NEDD4: variants seen among roughly 807,000 people sequenced by gnomAD.
The protein encoded by NEDD4 is NEDD4 E3 ubiquitin protein ligase, also known as E3 ubiquitin-protein ligase NEDD4.
Under a neutral mutation model 144.9 loss-of-function variants are expected in NEDD4, and 99 were observed. The ratio of observed to expected loss-of-function variants is 0.68; its 90% CI spans 0.58 to 0.81. The LOEUF is 0.81. NEDD4 is among the 30% of genes least tolerant of loss of function. The probability of loss-of-function intolerance (pLI) is 0.00; values close to 1 mark genes in which losing one functional copy is unlikely to be tolerated. For synonymous variants in NEDD4, 318 were observed against 350.6 expected, an observed-to-expected ratio of 0.91 and a Z score of 1.04; for missense variants, 985 against 1,065.9, an observed-to-expected ratio of 0.92 and a Z score of 1.06.
chr15:55,975,976 T>C (rs1330083571), intron 1 of NEDD4, among the ~76,000 whole-genome samples: 1 of 152,188 alleles, frequency 6.6e-6, no homozygotes, highest in Non-Finnish European at 1.5e-5. Context: ...AGTAAATCTA[T>C]ACATCTATAG....
At chr15:55,984,689 T>A (rs1386938254) in intron 1 of NEDD4, among the ~76,000 whole-genome samples, 1 of 152,230 alleles carries the variant, frequency 6.6e-6, no homozygotes, top group Admixed American at 6.5e-5. Flanking sequence ...CAGAAAAGCC[T>A]TATCAAAATG....
At chr15:55,933,116 G>A (rs1246017698) in intron 4 of NEDD4, among the ~76,000 whole-genome samples, 2 of 152,184 alleles carry the variant, frequency 1.3e-5, no homozygotes, top group Admixed American at 1.3e-4. Context: ...GTGGAAGACA[G>A]TGTGGCGATT....
At chr15:55,881,985 C>T (rs190730721) in intron 5 of NEDD4, among the ~76,000 whole-genome samples, 205 of 152,272 alleles carry the variant, frequency 1.3e-3, no homozygotes, top group Non-Finnish European at 2.4e-3. Context: ...CAAATATCCC[C>T]TGGGTGGCAA....
chr15:55,878,071 A>G (rs1266102217), intron 5 of NEDD4, among the ~76,000 whole-genome samples: 1 of 152,200 alleles, frequency 6.6e-6, no homozygotes, highest in African/African-American at 2.4e-5. Flanking sequence ...ATTTAGATAT[A>G]AAGATCCGGG....
intron 17 of NEDD4, 101 bp downstream of exon 17, chr15:55,848,271 C>T (rs1471923706): frequency 1.8e-6 from 2 of 1,117,478 alleles, no homozygotes; most frequent in Non-Finnish European, 2.7e-6. Context: ...GGCCAATGTG[C>T]TTTCCTCTCA....
chr15:55,963,126 C>G (rs1457671958), intron 2 of NEDD4, among the ~76,000 whole-genome samples: 1 of 135,486 alleles, frequency 7.4e-6, no homozygotes, highest in African/African-American at 2.7e-5. Flanking sequence ...TTTTCTGGCA[C>G]TCTTTTTTAT....
At chr15:55,932,382 G>A (rs1294956289) in intron 4 of NEDD4, among the ~76,000 whole-genome samples, 1 of 152,142 alleles carries the variant, frequency 6.6e-6, no homozygotes, top group East Asian at 1.9e-4. Context: ...ACAACCATGT[G>A]ATCTTTGACA....
At chr15:55,906,638 G>A (rs567783842) in intron 5 of NEDD4, among the ~76,000 whole-genome samples, 1 of 151,672 alleles carries the variant, frequency 6.6e-6, no homozygotes, top group Admixed American at 6.6e-5. Flanking sequence ...GTTGTGGGGT[G>A]GGGGGCTGGG....
chr15:55,931,089 G>GA (rs2036772369), intron 4 of NEDD4, among the ~76,000 whole-genome samples: 4 of 151,860 alleles, frequency 2.6e-5, no homozygotes, highest in Admixed American at 2.6e-4. Context: ...GAAAGAGGGA[G>GA]AAAAAAGGAA....
At chr15:55,971,315 C>G (rs1356950024) in intron 1 of NEDD4, among the ~76,000 whole-genome samples, 2 of 151,912 alleles carry the variant, frequency 1.3e-5, no homozygotes, top group Non-Finnish European at 2.9e-5. Context: ...AGAAAATAGC[C>G]TCAAAAGGGC....
Position 55,911,238 on chromosome 15 carries a change from A to C in NEDD4, c.291+13408T>G, listed in dbSNP as rs2096041021. Reference sequence around the variant, plus strand: ...GGAGAAAGGGGTGTTACTAGCATTTAGTGGGTGGAGGCCAGGGATGCTGTT... The same window carrying C: ...GGAGAAAGGGGTGTTACTAGCATTTCGTGGGTGGAGGCCAGGGATGCTGTT... On this transcript the variant is annotated intron_variant, in intron 5 of 28. Coordinates refer to ENST00000435532, the MANE Select transcript of NEDD4 (RefSeq NM_006154.4). Among the ~76,000 whole-genome samples the C allele has an allele frequency of 2.0e-5, 3 of 152,112 alleles. No homozygotes were observed. The South Asian group carries it at 6.2e-4, about 31-fold the overall frequency.
Position 55,914,633 on chromosome 15 carries a change from G to A in NEDD4, c.291+10013C>T, listed in dbSNP as rs1041903912. ...TAACTCGTGGCTAAAGAAAAATAGG[G>A]TGGAAACAAAATTCCTGTGGTTAAG... is the stretch of plus-strand genomic sequence containing the variant. On this transcript the variant is annotated intron_variant, in intron 5 of 28. Coordinates refer to ENST00000435532, the MANE Select transcript of NEDD4 (RefSeq NM_006154.4). Among the ~76,000 whole-genome samples the A allele has an allele frequency of 2.6e-5, 4 of 151,878 alleles. No homozygotes were observed. In the East Asian group the frequency reaches 5.8e-4, roughly 22 times the overall value.
chr15:55,842,909 T>G (rs2033578578), intron 18 of NEDD4, among the ~76,000 whole-genome samples: 1 of 152,202 alleles, frequency 6.6e-6, no homozygotes, highest in African/African-American at 2.4e-5. Context: ...CAGTGATATA[T>G]TCTGGCTGTG....
chr15:55,869,788 G>C (rs1210721302), intron 7 of NEDD4, 107 bp from the exon 8 acceptor site: 3 of 690,704 alleles, frequency 4.3e-6, no homozygotes, highest in East Asian at 2.9e-5. Context: ...GTCTACAAAG[G>C]GAGGTTCAAA....
chr15:55,887,993 A>G (rs1439034830), intron 5 of NEDD4, among the ~76,000 whole-genome samples: 1 of 152,242 alleles, frequency 6.6e-6, no homozygotes, highest in Non-Finnish European at 1.5e-5. Flanking sequence ...GCTCAACATA[A>G]CAAAAGTCAT....
Position 55,872,451 on chromosome 15 carries a change from G to T in NEDD4, c.368C>A (p.Pro123Gln). ...LPTENPRLER[P>Q]YTFKDFVLHP... Reference sequence around the variant, plus strand: ...AAGAACAAAATCCTTAAATGTATATGGTCTCTCCAATCTTGGATTTTCTGT... The same window carrying T: ...AAGAACAAAATCCTTAAATGTATATTGTCTCTCCAATCTTGGATTTTCTGT... Residue 123 changes from proline to glutamine, a missense_variant, in exon 7 of 29, where the codon CCA becomes CAA. Pro to Gln is a moderately conservative substitution (Grantham distance 76). Transcript: ENST00000435532. 6.8e-7 allele frequency: 1 copy of T among 1,466,948 alleles called. No homozygotes were observed. 90.9% of individuals were successfully genotyped at this position (1,466,948 alleles called of 1,614,324 possible). A position where few individuals can be genotyped will look rare whatever the true frequency, so the allele number is the denominator to read the frequency against.
chr15:55,880,658 G>A (rs2035155074), intron 5 of NEDD4, among the ~76,000 whole-genome samples: 1 of 152,106 alleles, frequency 6.6e-6, no homozygotes, highest in Non-Finnish European at 1.5e-5. Flanking sequence ...ATTCAAGATA[G>A]GAGAGCATAG....
chr15:55,847,249 G>A (rs186970475), intron 17 of NEDD4, among the ~76,000 whole-genome samples: 93 of 152,248 alleles, frequency 6.1e-4, no homozygotes, highest in African/African-American at 2.1e-3. Context: ...TCCTATGGCT[G>A]TAATTTTCAT....
Position 55,951,377 on chromosome 15 carries a change from C to G in NEDD4, c.236G>C (p.Arg79Thr). ...TAGTAAAATAAAATATATACTTACT[C>G]TGAATAATATTTCTTCATTCCACTT... ...NPKWNEEILF[R>T]VHPQQHRLLF... is the part of the protein sequence containing the mutation. The change falls in exon 4 of 29, where the codon AGA becomes ACA. Residue 79 changes from arginine (R) to threonine (T), a missense_variant and splice_region_variant. Arg to Thr is a moderately conservative substitution (Grantham distance 71). Transcript: ENST00000435532. 1.1e-6 allele frequency: 1 copy of G among 939,334 alleles called. No individual in the cohort carries two copies. The highest frequency in any genetic ancestry group is 1.7e-5 in the South Asian group (1 of 59,062). The allele number at this position is 939,334 out of a possible 1,614,324, so 58.2% of individuals were successfully genotyped here.
Sources: gnomAD v4.1 joint callset for allele counts (sites outside exome capture counted in the v4.1 genomes callset) on GRCh38, gnomAD v4.1.1 for gene constraint, MANE v1.5 for transcripts, NCBI Gene and HGNC (gene_info 2026-07-23, HGNC 2026-07-21) for gene names.